FHIT: variants seen among roughly 807,000 people sequenced by gnomAD.
FHIT encodes the protein bis(5'-adenosyl)-triphosphatase.
FHIT carries 19 observed loss-of-function variants against 17.9 expected under a neutral mutation model. The observed-to-expected ratio is 1.06, with a 90% CI of 0.74 to 1.56. The LOEUF (loss-of-function observed/expected upper bound fraction) is 1.56, where lower values mean the gene tolerates loss of function less well. FHIT is among the 40% of genes most tolerant of loss of function. FHIT has a pLI of 0.00. For synonymous variants in FHIT, 81 were observed against 69.7 expected (o/e 1.16, Z -0.81); for missense variants, 248 against 189.2 (o/e 1.31, Z -1.82).
chr3:60,652,159 A>C (rs1559615075), intron 4 of FHIT, among the ~76,000 whole-genome samples: 1 of 152,136 alleles, frequency 6.6e-6, no homozygotes, highest in Non-Finnish European at 1.5e-5. Context: ...GGTGGGGCTG[A>C]AAAGGGGGGT....
intron 5 of FHIT, among the ~76,000 whole-genome samples, chr3:60,290,159 T>C (rs1707915576): frequency 6.6e-6 from 1 of 152,078 alleles, no homozygotes; most frequent in South Asian, 2.1e-4. Flanking sequence ...TTCCGAGAAG[T>C]CAGCACATAC....
chr3:60,383,485 C>G (rs1700889972), intron 5 of FHIT, among the ~76,000 whole-genome samples: 1 of 151,780 alleles, frequency 6.6e-6, no homozygotes, highest in Non-Finnish European at 1.5e-5. Context: ...CTAGTGGGTA[C>G]AGAACAGGGA....
At chr3:59,997,996 T>A (rs777340471) in intron 7 of FHIT, among the ~76,000 whole-genome samples, 2 of 152,180 alleles carry the variant, frequency 1.3e-5, no homozygotes, top group Non-Finnish European at 2.9e-5. Flanking sequence ...TATCAAGGGA[T>A]AATTAGGACA....
At chr3:60,851,944 G>A (rs114685959) in intron 3 of FHIT, among the ~76,000 whole-genome samples, 1,933 of 152,208 alleles carry the variant, frequency 0.013, 42 homozygotes, top group African/African-American at 0.044. Context: ...GTGTCACGAT[G>A]ATAAATTTTA....
In FHIT at chr3:60,960,536, T is replaced by TA. The variant is rs1709372644; in HGVS notation, c.-111+81510dup. Among the ~76,000 whole-genome samples, 5 of 152,236 alleles carry TA rather than the reference T, an allele frequency of 3.3e-5. No homozygotes were observed. The South Asian group carries it at 8.3e-4, about 25-fold the overall frequency. On this transcript the variant is annotated intron_variant, in intron 3 of 9. Transcript: ENST00000492590. ...GTGCTGCACCCATTAACTCATCATT[T>TA]ACATTAGGTATATTTCCTAATGCTA...
At chr3:60,551,233 G>A (rs943316058) in intron 4 of FHIT, among the ~76,000 whole-genome samples, 7 of 151,414 alleles carry the variant, frequency 4.6e-5, no homozygotes, top group African/African-American at 1.2e-4. Context: ...CTTGTGTGGC[G>A]TTTCACTTAA....
At chr3:59,926,645 C>T (rs761591139) in intron 7 of FHIT, among the ~76,000 whole-genome samples, 11 of 152,148 alleles carry the variant, frequency 7.2e-5, no homozygotes, top group Non-Finnish European at 1.5e-4. Context: ...AAGAGTGTAT[C>T]ACTAACGGTG....
intron 4 of FHIT, among the ~76,000 whole-genome samples, chr3:60,799,377 T>C (rs1242079737): frequency 2.0e-5 from 3 of 152,178 alleles, no homozygotes; most frequent in African/African-American, 4.8e-5. Context: ...TTTCTCCATG[T>C]TGGTCAGGCT....
intron 4 of FHIT, among the ~76,000 whole-genome samples, chr3:60,574,786 T>G (rs2037510737): frequency 6.6e-6 from 1 of 151,928 alleles, no homozygotes; most frequent in Non-Finnish European, 1.5e-5. Context: ...TTTCAGTCCT[T>G]CCGCTTGCCA....
intron 4 of FHIT, among the ~76,000 whole-genome samples, chr3:60,546,030 T>C (rs2036348441): frequency 6.6e-6 from 1 of 152,204 alleles, no homozygotes; most frequent in Non-Finnish European, 1.5e-5. Context: ...GTCTTCTTAT[T>C]CCTTTTTCTT....
At chr3:60,217,635 T>C (rs1188532207) in intron 5 of FHIT, among the ~76,000 whole-genome samples, 2 of 152,118 alleles carry the variant, frequency 1.3e-5, no homozygotes, top group Non-Finnish European at 2.9e-5. Context: ...TTTGCATAAC[T>C]CTGGTCCCAG....
At chr3:60,224,702 TTTTTATTTTATTTTATTTTA>T (rs144912388) in intron 5 of FHIT, among the ~76,000 whole-genome samples, 3 of 142,406 alleles carry the variant, frequency 2.1e-5, no homozygotes, top group South Asian at 2.3e-4. Context: ...CTCACCAGGA[TTTTTATTTTATTTTATTTTA>T]TTTTATTTTA....
chr3:60,374,552 A>G (rs1397169285), intron 5 of FHIT, among the ~76,000 whole-genome samples: 1 of 150,810 alleles, frequency 6.6e-6, no homozygotes, highest in South Asian at 2.1e-4. Flanking sequence ...TCCACCCCAG[A>G]TTTTTTATAT....
intron 4 of FHIT, among the ~76,000 whole-genome samples, chr3:60,745,130 T>C (rs944563492): frequency 3.3e-5 from 5 of 152,104 alleles, no homozygotes; most frequent in Non-Finnish European, 7.4e-5. Context: ...AAGCTACTAA[T>C]CAAAAGATCT....
intron 1 of FHIT, among the ~76,000 whole-genome samples, chr3:61,216,586 C>T (rs1049220239): frequency 3.9e-5 from 6 of 152,134 alleles, no homozygotes; most frequent in East Asian, 1.9e-4. Flanking sequence ...GTCAGTGTGG[C>T]GATTCCTCAG....
rs1040331699 is a variant in FHIT, at chr3:61,250,119, G to A, written c.-213+1182C>T. ...GAGTCAAGCGGCTGCTCTACAGAACGGCTAGAAGCGAGACTTCGTCTCCCA... is the reference window on the plus strand; with the variant it reads ...GAGTCAAGCGGCTGCTCTACAGAACAGCTAGAAGCGAGACTTCGTCTCCCA... On this transcript the variant is annotated intron_variant, in intron 1 of 9. Transcript: ENST00000492590. Among the ~76,000 whole-genome samples the A allele has an allele frequency of 3.9e-5, 6 of 152,202 alleles. No individual in the cohort carries two copies. The East Asian group carries it at 9.6e-4, about 24-fold the overall frequency.
At chr3:61,141,493 C>T (rs1475811399) in intron 2 of FHIT, among the ~76,000 whole-genome samples, 1 of 151,996 alleles carries the variant, frequency 6.6e-6, no homozygotes, top group East Asian at 1.9e-4. Flanking sequence ...ATTCTGTAGC[C>T]CAGAGAGATA....
At chr3:59,857,799 T>C (rs1702229674) in intron 8 of FHIT, among the ~76,000 whole-genome samples, 1 of 151,472 alleles carries the variant, frequency 6.6e-6, no homozygotes, top group Non-Finnish European at 1.5e-5. Flanking sequence ...TTTCTCAACA[T>C]TTATGTCTGC....
intron 5 of FHIT, among the ~76,000 whole-genome samples, chr3:60,127,314 T>C (rs143638792): frequency 1.3e-3 from 192 of 152,294 alleles, no homozygotes; most frequent in African/African-American, 4.2e-3. Flanking sequence ...CGCATTTCTA[T>C]CTCTGATATC....
Sources: allele counts gnomAD v4.1 joint callset (sites outside exome capture counted in the v4.1 genomes callset), GRCh38; gene constraint gnomAD v4.1.1; transcripts MANE v1.5; gene names NCBI Gene and HGNC (gene_info 2026-07-23, HGNC 2026-07-21).